The following FSTL5 variants were observed in gnomAD, a reference collection of about 807,000 sequenced individuals.
FSTL5 encodes follistatin-related protein 5.
Under a neutral mutation model 89.1 loss-of-function variants are expected in FSTL5, and 62 were observed. That is an observed-to-expected ratio of 0.70 (90% CI 0.57 to 0.86). FSTL5 has a LOEUF of 0.86. FSTL5 is among the 40% of genes least tolerant of loss of function. The pLI, the probability that FSTL5 is intolerant of heterozygous loss-of-function variation, is 0.00. For synonymous variants in FSTL5, 383 were observed against 346.2 expected, an observed-to-expected ratio of 1.11 and a Z score of -1.18; for missense variants, 1,057 against 1,001.6, an observed-to-expected ratio of 1.06 and a Z score of -0.75.
intron 13 of FSTL5, among the ~76,000 whole-genome samples, chr4:161,463,012 C>T (rs1219823983): frequency 6.6e-6 from 1 of 152,000 alleles, no homozygotes; most frequent in African/African-American, 2.4e-5. Flanking sequence ...GTAAGGCTTT[C>T]ATTGAGCCTT....
At chr4:161,941,371 G>C (rs1329007986) in intron 3 of FSTL5, among the ~76,000 whole-genome samples, 2 of 151,754 alleles carry the variant, frequency 1.3e-5, no homozygotes, top group East Asian at 3.9e-4. Context: ...GGATAAAAAT[G>C]GTGATTCAAT....
At chr4:161,556,191 A>G (rs892435124) in intron 8 of FSTL5, among the ~76,000 whole-genome samples, 7 of 151,572 alleles carry the variant, frequency 4.6e-5, no homozygotes. Flanking sequence ...GTGTGTTTGT[A>G]TATATATACC....
chr4:162,087,434 A>G (rs1730364815), intron 2 of FSTL5, among the ~76,000 whole-genome samples: 1 of 152,168 alleles, frequency 6.6e-6, no homozygotes, highest in South Asian at 2.1e-4. Context: ...AAGAGGAAAG[A>G]GGAGAAAATG....
At chr4:161,466,538 G>C (rs1009022550) in intron 13 of FSTL5, among the ~76,000 whole-genome samples, 10 of 152,120 alleles carry the variant, frequency 6.6e-5, no homozygotes, top group African/African-American at 2.4e-4. Context: ...GGCTGGAGGA[G>C]ACTGCTGATA....
chr4:161,942,726 C>T (rs1051604910), intron 3 of FSTL5, among the ~76,000 whole-genome samples: 6 of 152,020 alleles, frequency 3.9e-5, no homozygotes, highest in African/African-American at 1.4e-4. Flanking sequence ...AATATAGATG[C>T]AAAATCTTAA....
chr4:162,043,302 T>G (rs562035906), intron 2 of FSTL5: 1 of 152,278 alleles, frequency 6.6e-6, no homozygotes, highest in East Asian at 1.9e-4. Context: ...GAAGTCAATA[T>G]TGCAACAAAG....
At chr4:161,603,954 C>G (rs1286567082) in intron 7 of FSTL5, among the ~76,000 whole-genome samples, 1 of 151,758 alleles carries the variant, frequency 6.6e-6, no homozygotes, top group Non-Finnish European at 1.5e-5. Context: ...TTTGTAAAAA[C>G]TAATCAATCA....
rs200263718 is a variant in FSTL5, at chr4:161,656,488, A to G, written c.734T>C (p.Ile245Thr). The change falls in exon 7 of 16, where the codon ATC becomes ACC. Residue 245 changes from isoleucine to threonine, a missense_variant. By Grantham distance (89) the Ile-to-Thr change is moderately conservative (BLOSUM62 -1). Transcript: ENST00000306100. ...LEEFYRAFQV[I>T]QLSLPEDQKL... ...CTGATCTTCTGGCAGACTCAACTGG[A>G]TCACTTCTGTAAAGATGAAGTGTCA... 655 of 1,584,100 alleles carry G rather than the reference A, an allele frequency of 4.1e-4. 3 individuals carry two copies. The East Asian group carries it at 0.014, about 35-fold the overall frequency.
chr4:161,418,410 C>T (rs1403227806), intron 15 of FSTL5, among the ~76,000 whole-genome samples: 1 of 152,002 alleles, frequency 6.6e-6, no homozygotes, highest in Non-Finnish European at 1.5e-5. Context: ...CTCAGCGAGC[C>T]CACCTTATTT....
chr4:161,614,376 C>T (rs1734766404), intron 7 of FSTL5, among the ~76,000 whole-genome samples: 1 of 152,120 alleles, frequency 6.6e-6, no homozygotes, highest in African/African-American at 2.4e-5. Context: ...GTTAATAAAA[C>T]TTCCTTCATT....
intron 4 of FSTL5, among the ~76,000 whole-genome samples, chr4:161,808,272 A>G (rs1052312792): frequency 6.6e-6 from 1 of 152,164 alleles, no homozygotes; most frequent in African/African-American, 2.4e-5. Flanking sequence ...TTTCTAAAAA[A>G]AAATCAAACA....
chr4:161,618,895 CA>C (rs1309306221), intron 7 of FSTL5, among the ~76,000 whole-genome samples: 6 of 152,096 alleles, frequency 3.9e-5, no homozygotes, highest in Non-Finnish European at 8.8e-5. Flanking sequence ...AATCCTAAGC[CA>C]AAAGAACAAA....
chr4:161,654,515 T>C lies in FSTL5; in HGVS notation c.894+1813A>G, dbSNP rs560582023. Among the ~76,000 whole-genome samples, 8 of 152,242 alleles carry C rather than the reference T, an allele frequency of 5.3e-5. No homozygotes were observed. In the East Asian group the frequency reaches 1.5e-3, roughly 29 times the overall value. On this transcript the variant is annotated intron_variant, in intron 7 of 15. Transcript: ENST00000306100. ...GGCATCTTAGAGAATTAAGCATTAT[T>C]CTCCAGATAGTCTTTAAGAAAAGTT...
rs73861079 is a variant in FSTL5 at position 162,106,147 on chromosome 4, C to G, written c.126+5124G>C. ...TTAGGAATTATTAAATCATGTACAC[C>G]CTTTGCCCCATTTGCTCAGTAACTA... On this transcript the variant is annotated intron_variant, in intron 2 of 15. Coordinates refer to ENST00000306100, the MANE Select transcript of FSTL5 (RefSeq NM_020116.5). 9.7e-3 allele frequency among the ~76,000 whole-genome samples: 1,471 copies of G among 152,210 alleles called. 26 individuals are homozygous for G. The highest frequency in any genetic ancestry group is 0.033 in the African/African-American group (1,354 of 41,508).
At chr4:161,930,873 T>G (rs1257115277) in intron 3 of FSTL5, among the ~76,000 whole-genome samples, 1 of 151,844 alleles carries the variant, frequency 6.6e-6, no homozygotes, top group Non-Finnish European at 1.5e-5. Context: ...GTGCTTATAT[T>G]CCTTTCCCGG....
chr4:161,528,177 G>A (rs1731294534), intron 10 of FSTL5, among the ~76,000 whole-genome samples: 1 of 119,768 alleles, frequency 8.3e-6, no homozygotes, highest in Admixed American at 9.6e-5. Context: ...GATAACTTTA[G>A]GAGATATACC....
At chr4:161,786,756 G>C (rs1199357195) in intron 4 of FSTL5, among the ~76,000 whole-genome samples, 87 of 151,988 alleles carry the variant, frequency 5.7e-4, no homozygotes, top group Non-Finnish European at 4.4e-5. Flanking sequence ...TCCCAATAAT[G>C]TAACCTCTAT....
At chr4:161,984,979 C>A (rs1214480360) in intron 3 of FSTL5, among the ~76,000 whole-genome samples, 1 of 147,712 alleles carries the variant, frequency 6.8e-6, no homozygotes, top group African/African-American at 2.5e-5. Flanking sequence ...TTTTTTAAGA[C>A]ATAGTCTCAT....
chr4:161,875,156 A>C (rs761696242), intron 4 of FSTL5, among the ~76,000 whole-genome samples: 5 of 151,942 alleles, frequency 3.3e-5, no homozygotes, highest in Non-Finnish European at 7.4e-5. Context: ...ATATTCTTTT[A>C]TTTGGAGGCA....
Sources: allele counts gnomAD v4.1 joint callset (sites outside exome capture counted in the v4.1 genomes callset), GRCh38; gene constraint gnomAD v4.1.1; transcripts MANE v1.5; gene names NCBI Gene and HGNC (gene_info 2026-07-23, HGNC 2026-07-21).